Variants in TTYH1 observed in about 807,000 individuals in gnomAD.
The protein encoded by TTYH1 is tweety family member 1.
TTYH1 carries 33 observed loss-of-function variants against 61.2 expected under a neutral mutation model. The ratio of observed to expected loss-of-function variants is 0.54; its 90% CI spans 0.41 to 0.72. The LOEUF (loss-of-function observed/expected upper bound fraction) is 0.72, where lower values mean the gene tolerates loss of function less well. TTYH1 is among the 30% of genes least tolerant of loss of function. TTYH1 has a pLI of 0.00. For missense variants in TTYH1, 538 were observed against 575.8 expected (o/e 0.93, Z 0.67); for synonymous variants, 308 against 266.4 (o/e 1.16, Z -1.52).
At chr19:54,423,196 C>T (rs994178796) in intron 4 of TTYH1, among the ~76,000 whole-genome samples, 5 of 147,766 alleles carry the variant, frequency 3.4e-5, no homozygotes, top group Middle Eastern at 6.9e-3. Flanking sequence ...TTGTTCAGCA[C>T]TATTTTTTTT....
chr19:54,418,274 C>G (rs899408415), intron 1 of TTYH1: 3 of 152,366 alleles, frequency 2.0e-5, no homozygotes, highest in African/African-American at 7.2e-5. Context: ...GTTTCCGCGG[C>G]CTGCCTGTCT....
chr19:54,425,650 G>C (rs1436904919), intron 4 of TTYH1, among the ~76,000 whole-genome samples: 1 of 152,080 alleles, frequency 6.6e-6, no homozygotes, highest in Non-Finnish European at 1.5e-5. Flanking sequence ...TCTCACTGTG[G>C]CTTGCATGCT....
chr19:54,429,448 C>G lies in TTYH1; in HGVS notation c.807+69C>G. 1.4e-6 allele frequency: 2 copies of G among 1,425,838 alleles called. No individual in the cohort carries two copies. Among genetic ancestry groups the G allele is most frequent in the Non-Finnish European group, 2.0e-6 (2 of 1,015,468 alleles). 88.3% of individuals were successfully genotyped at this position (1,425,838 alleles called of 1,614,324 possible). A position where few individuals can be genotyped will look rare whatever the true frequency, so the allele number is the denominator to read the frequency against. On this transcript the variant is annotated intron_variant, in intron 6 of 13. Coordinates refer to ENST00000376530, the MANE Select transcript of TTYH1 (RefSeq NM_020659.4). This position sits in a 1 kb window ranked among gnomAD's most constrained non-coding sequence, Gnocchi z 5.1. ...CCTGGAGACTTCAACTTCTGGATCTCGGGATGGCATGGCTTAGTAGAGAAA... is the reference window on the plus strand; with the variant it reads ...CCTGGAGACTTCAACTTCTGGATCTGGGGATGGCATGGCTTAGTAGAGAAA...
intron 4 of TTYH1, among the ~76,000 whole-genome samples, chr19:54,425,218 G>A (rs2083299648): frequency 6.6e-6 from 1 of 152,258 alleles, no homozygotes; most frequent in Non-Finnish European, 1.5e-5. Flanking sequence ...CGGATCCGGA[G>A]GGTGGAAGTC....
In TTYH1 at chr19:54,421,727, C is replaced by CGCCCTGAG. The variant is rs924386010; in HGVS notation, c.417+344_417+351dup. ...GCCCGTAAGCAAGCTCAGGGACCCC[C>CGCCCTGAG]GCCCTGAGGCCCAGGTCCCCGACTT... On this transcript the variant is annotated intron_variant, in intron 3 of 13. Transcript: ENST00000376530. This position sits in a 1 kb window ranked among gnomAD's most constrained non-coding sequence, Gnocchi z 4.8. 1.2e-4 allele frequency among the ~76,000 whole-genome samples: 19 copies of CGCCCTGAG among 152,072 alleles called. No homozygotes were observed. Among genetic ancestry groups the CGCCCTGAG allele is most frequent in the Non-Finnish European group, 2.1e-4 (14 of 68,012 alleles).
intron 4 of TTYH1, chr19:54,426,333 A>C: frequency 3.3e-6 from 1 of 299,556 alleles, no homozygotes. Flanking sequence ...GAGAACGAGT[A>C]TCTCCACTCT....
intron 8 of TTYH1, 62 bp downstream of exon 8, chr19:54,430,667 AG>A (rs914638686): frequency 1.1e-5 from 3 of 278,932 alleles, no homozygotes; most frequent in Non-Finnish European, 2.0e-5. Context: ...CTCTGAAGGG[AG>A]GGGGCGGGGC....
At position 54,422,217 on chromosome 19, in the gene TTYH1, G is replaced by A. The variant is rs750664246; in HGVS notation, c.445G>A (p.Glu149Lys). 2.6e-5 allele frequency: 40 copies of A among 1,564,550 alleles called. No homozygotes were observed. The highest frequency in any genetic ancestry group is 1.9e-4 in the Admixed American group (10 of 51,824). ...LVLETVERLG[E>K]AVRTELTTLE... ...GTTGGAGACGGTGGAGAGGCTGGGCGAGGCGGTGAGGACAGAGCTGACCAC... is the reference window on the plus strand; with the variant it reads ...GTTGGAGACGGTGGAGAGGCTGGGCAAGGCGGTGAGGACAGAGCTGACCAC... Residue 149 changes from glutamate (E) to lysine (K), a missense_variant, in exon 4 of 14, where the codon GAG (glutamate) becomes AAG (lysine). By Grantham distance (56) the Glu-to-Lys change is moderately conservative (BLOSUM62 1). Transcript: ENST00000376530.
At chr19:54,430,730 C>A in intron 8 of TTYH1, 83 bp from the exon 9 acceptor site, 2 of 1,581,682 alleles carry the variant, frequency 1.3e-6, no homozygotes, top group Non-Finnish European at 1.7e-6. Context: ...GGCCAGGGGC[C>A]CGAGTGCTGT....
Position 54,420,894 on chromosome 19 carries a change from T to G in TTYH1, c.306-383T>G, listed in dbSNP as rs2083201009. The G allele has an allele frequency of 3.3e-6, 1 of 302,990 alleles. No individual in the cohort carries two copies. The highest frequency in any genetic ancestry group is 4.1e-5 in the South Asian group (1 of 24,454). 18.8% of individuals were successfully genotyped at this position (302,990 alleles called of 1,614,324 possible). On this transcript the variant is annotated intron_variant, in intron 2 of 13. Coordinates refer to ENST00000376530, the MANE Select transcript of TTYH1 (RefSeq NM_020659.4). This position sits in a 1 kb window ranked among gnomAD's most constrained non-coding sequence, Gnocchi z 4.8. ...TAGGACAGGTGCCAGGAGGGCTGCC[T>G]GCCTGGCAAAGGATGCGGGGGAAGG... is the stretch of plus-strand genomic sequence containing the variant.
In TTYH1 at chr19:54,421,106, C is replaced by A. The variant is rs1353015470; in HGVS notation, c.306-171C>A. Among the ~76,000 whole-genome samples the A allele has an allele frequency of 6.6e-6, 1 of 152,034 alleles. No homozygotes were observed. The highest frequency in any genetic ancestry group is 1.5e-5 in the Non-Finnish European group (1 of 67,980). On this transcript the variant is annotated intron_variant, in intron 2 of 13. Transcript: ENST00000376530. This position sits in a 1 kb window ranked among gnomAD's most constrained non-coding sequence, Gnocchi z 4.8. The stretch of plus-strand genomic sequence containing the variant: ...GAGGCCTTCCCGTTCCCTTGGCAAC[C>A]GACGGGGGCCAGGCTGAAGTCGCCC...
In TTYH1 at chr19:54,415,704, G is replaced by T; in HGVS notation, c.126+26G>T. ...GTGGGACCGGGCGCCAGGGCCTGGGGGCCAGGGCTGGGGGCCGGAGCTCCT... is the reference window on the plus strand; with the variant it reads ...GTGGGACCGGGCGCCAGGGCCTGGGTGCCAGGGCTGGGGGCCGGAGCTCCT... On this transcript the variant is annotated intron_variant, in intron 1 of 13. Coordinates refer to ENST00000376530, the MANE Select transcript of TTYH1 (RefSeq NM_020659.4). This position sits in a 1 kb window ranked among gnomAD's most constrained non-coding sequence, Gnocchi z 5.2. 6.6e-7 allele frequency: 1 copy of T among 1,522,932 alleles called. No individual in the cohort carries two copies. The highest frequency in any genetic ancestry group is 2.0e-5 in the Admixed American group (1 of 49,332). The allele number at this position is 1,522,932 out of a possible 1,614,324, so 94.3% of individuals were successfully genotyped here.
At position 54,429,943 on chromosome 19, in the gene TTYH1, CAG is replaced by C; in HGVS notation, c.870_871del (p.Gly291AlafsTer133). 1 of 1,613,936 alleles carries C rather than the reference CAG, an allele frequency of 6.2e-7. No homozygotes were observed. The highest frequency in any genetic ancestry group is 8.5e-7 in the Non-Finnish European group (1 of 1,179,854). ...GTTCTGAACCTGACCCAGGAGGAGA[CAG>C]GGCTCAGCTCAGGTGATTTCCAAGG... On this transcript the variant is annotated frameshift_variant, in exon 7 of 14. Transcript: ENST00000376530. LOFTEE classifies it high-confidence loss of function. The surrounding 1 kb of genome is among the most constrained non-coding windows in gnomAD (Gnocchi z 5.1).
chr19:54,419,874 A>G lies in TTYH1; in HGVS notation c.305+568A>G, dbSNP rs2083171126. Among the ~76,000 whole-genome samples the G allele has an allele frequency of 6.6e-6, 1 of 152,184 alleles. No homozygotes were observed. Among genetic ancestry groups the G allele is most frequent in the Non-Finnish European group, 1.5e-5 (1 of 68,038 alleles). ...CCCTCGTGCAGCTTATGTTCTAATC[A>G]GGGAGACGGACGATAAATAGATATA... On this transcript the variant is annotated intron_variant, in intron 2 of 13. Coordinates refer to ENST00000376530, the MANE Select transcript of TTYH1 (RefSeq NM_020659.4). This position sits in a 1 kb window ranked among gnomAD's most constrained non-coding sequence, Gnocchi z 6.1.
At chr19:54,424,536 G>C (rs2083284591) in intron 4 of TTYH1, among the ~76,000 whole-genome samples, 1 of 152,230 alleles carries the variant, frequency 6.6e-6, no homozygotes, top group South Asian at 2.1e-4. Context: ...AAGAAGTCCA[G>C]GTTCTGCATT....
intron 5 of TTYH1, among the ~76,000 whole-genome samples, chr19:54,427,287 A>G (rs185801182): frequency 7.9e-5 from 8 of 100,734 alleles, no homozygotes; most frequent in African/African-American, 2.9e-4. Flanking sequence ...CGACAGAGTG[A>G]CACTCCATCT....
chr19:54,424,668 T>C (rs2083287039), intron 4 of TTYH1, among the ~76,000 whole-genome samples: 1 of 152,064 alleles, frequency 6.6e-6, no homozygotes, highest in South Asian at 2.1e-4. Flanking sequence ...CACTAGAAAA[T>C]ATCTTCCGGG....
chr19:54,420,385 C>T lies in TTYH1; in HGVS notation c.306-892C>T, dbSNP rs543123819. ...ACAAAGGCCCAGTGGGGGAGAGACA[C>T]GGCCCCAGCCCCCGCAGCCTGGGAA... On this transcript the variant is annotated intron_variant, in intron 2 of 13. Transcript: ENST00000376530. The surrounding 1 kb of genome is among the most constrained non-coding windows in gnomAD (Gnocchi z 4.8). 3.9e-5 allele frequency among the ~76,000 whole-genome samples: 6 copies of T among 152,268 alleles called. No individual in the cohort carries two copies. Among genetic ancestry groups the T allele is most frequent in the Non-Finnish European group, 7.4e-5 (5 of 68,006 alleles).
At chr19:54,430,771 G>T in intron 8 of TTYH1, 42 bp from the exon 9 acceptor site, 2 of 1,599,378 alleles carry the variant, frequency 1.3e-6, no homozygotes, top group African/African-American at 1.3e-5. Context: ...GGCCGGGGGC[G>T]TATACTCCTG....
Sources: gnomAD v4.1 joint callset for allele counts (sites outside exome capture counted in the v4.1 genomes callset) on GRCh38, gnomAD v4.1.1 for gene constraint, Gnocchi (gnomAD v3.1) non-coding constraint, MANE v1.5 for transcripts, NCBI Gene and HGNC (gene_info 2026-07-23, HGNC 2026-07-21) for gene names.